SQSTM1: variants seen among roughly 807,000 people sequenced by gnomAD.
SQSTM1 encodes sequestosome-1.
Under a neutral mutation model 45.1 loss-of-function variants are expected in SQSTM1, and 36 were observed. The ratio of observed to expected loss-of-function variants is 0.80; its 90% CI spans 0.61 to 1.05. The LOEUF (loss-of-function observed/expected upper bound fraction) is 1.05, where lower values mean the gene tolerates loss of function less well. Ranked by LOEUF, SQSTM1 falls within the 50% of genes least tolerant of loss-of-function variation. The probability of loss-of-function intolerance (pLI) is 0.00; values close to 1 mark genes in which losing one functional copy is unlikely to be tolerated. For missense variants in SQSTM1, 617 were observed against 607.1 expected, an observed-to-expected ratio of 1.02 and a Z score of -0.17; for synonymous variants, 290 against 244.3, an observed-to-expected ratio of 1.19 and a Z score of -1.74.
chr5:179,830,946 C>A (rs1276123717), intron 5 of SQSTM1, among the ~76,000 whole-genome samples: 1 of 152,222 alleles, frequency 6.6e-6, no homozygotes. Flanking sequence ...CAAGAGATTT[C>A]TCATGTTGTT....
rs773645716 is a variant in SQSTM1 at position 179,836,486 on chromosome 5, T to G, written c.1216T>G (p.Phe406Val). The G allele has an allele frequency of 3.1e-6, 5 of 1,614,214 alleles. No individual in the cohort carries two copies. Among genetic ancestry groups the G allele is most frequent in the Non-Finnish European group, 4.2e-6 (5 of 1,180,036 alleles). The change falls in exon 8 of 8, where the codon TTC becomes GTC. Residue 406 changes from phenylalanine to valine, a missense_variant. By Grantham distance (50) the Phe-to-Val change is conservative. Transcript: ENST00000389805. ...CCTCTCCCAGATGCTGTCCATGGGCTTCTCTGATGAAGGCGGCTGGCTCAC... is the reference window on the plus strand; with the variant it reads ...CCTCTCCCAGATGCTGTCCATGGGCGTCTCTGATGAAGGCGGCTGGCTCAC... ...ESLSQMLSMG[F>V]SDEGGWLTRL...
At chr5:179,826,934 G>A (rs770774982) in intron 5 of SQSTM1, among the ~76,000 whole-genome samples, 2 of 152,110 alleles carry the variant, frequency 1.3e-5, no homozygotes, top group Non-Finnish European at 2.9e-5. Context: ...GAACACCGAG[G>A]TCATGATTGA....
At chr5:179,833,485 T>A in intron 6 of SQSTM1, 102 bp from the exon 7 acceptor site, 1 of 1,260,678 alleles carries the variant, frequency 7.9e-7, no homozygotes, top group Non-Finnish European at 1.1e-6. Flanking sequence ...TAACTGCACG[T>A]GTGCATGCGT....
chr5:179,821,435 C>G, intron 1 of SQSTM1: 1 of 608,720 alleles, frequency 1.6e-6, no homozygotes, highest in African/African-American at 1.9e-5. Flanking sequence ...CCCCGCTCCA[C>G]CCCCCGCGCT....
chr5:179,825,013 G>A, intron 4 of SQSTM1, 133 bp from the exon 5 acceptor site: 1 of 814,144 alleles, frequency 1.2e-6, no homozygotes, highest in Non-Finnish European at 2.1e-6. Context: ...GGGATGCTGA[G>A]TGGGTCACTG....
At chr5:179,831,149 G>A (rs757456959) in intron 5 of SQSTM1, among the ~76,000 whole-genome samples, 2 of 152,172 alleles carry the variant, frequency 1.3e-5, no homozygotes, top group Admixed American at 6.5e-5. Flanking sequence ...ATTAGGAAAC[G>A]GGGGACCTAA....
chr5:179,824,255 C>T lies in SQSTM1; in HGVS notation c.605C>T (p.Pro202Leu), dbSNP rs749357493. 5 of 1,613,752 alleles carry T rather than the reference C, an allele frequency of 3.1e-6. No homozygotes were observed. The African/African-American group carries it at 4.0e-5, about 13-fold the overall frequency. Reference protein sequence around the residue: ...HFGWPGWEMGPPGNWSPRPPR... With the variant: ...HFGWPGWEMGLPGNWSPRPPR... ...GGGTGGCCAGGATGGGAAATGGGTC[C>T]ACCAGGAAACTGGAGCCCACGTCCT... Residue 202 changes from proline to leucine, a missense_variant, in exon 4 of 8, where the codon CCA (proline) becomes CTA (leucine). Transcript: ENST00000389805.
chr5:179,815,648 C>T (rs1415637212), upstream of SQSTM1, among the ~76,000 whole-genome samples: 3 of 152,148 alleles, frequency 2.0e-5, no homozygotes, highest in Admixed American at 6.5e-5. Context: ...GCATTTCGTC[C>T]GCCAGCGTGG....
chr5:179,836,137 T>C (rs1422058448), intron 7 of SQSTM1: 1 of 527,288 alleles, frequency 1.9e-6, no homozygotes, highest in Non-Finnish European at 3.4e-6. Context: ...GGCCTGTTCT[T>C]ACATTTTAAA....
chr5:179,823,831 T>C, intron 2 of SQSTM1, 27 bp from the exon 3 acceptor site: 4 of 1,606,836 alleles, frequency 2.5e-6, no homozygotes, highest in Non-Finnish European at 2.5e-6. Flanking sequence ...GGTCCCACCC[T>C]AGCGGCTCTC....
rs370096430 is a variant in SQSTM1, at chr5:179,823,984, G to A, written c.428G>A (p.Ser143Asn). The A allele has an allele frequency of 6.2e-7, 1 of 1,614,044 alleles. No individual in the cohort carries two copies. Among genetic ancestry groups the A allele is most frequent in the Non-Finnish European group, 8.5e-7 (1 of 1,180,042 alleles). Residue 143 changes from serine (S) to asparagine (N), a missense_variant, in exon 3 of 8, where the codon AGC becomes AAC. Physicochemically the swap from Ser to Asn is conservative, Grantham distance 46 (BLOSUM62 1). Transcript: ENST00000389805. ...GPVVGTRYKC[S>N]VCPDYDLCSV... ...GTGGTAGGAACCCGCTACAAGTGCA[G>A]CGTCTGCCCAGACTACGACTTGTGT...
At chr5:179,824,416 G>T in intron 4 of SQSTM1, 93 bp downstream of exon 4, 1 of 1,576,802 alleles carries the variant, frequency 6.3e-7, no homozygotes, top group Non-Finnish European at 8.7e-7. Flanking sequence ...TGCAAGGCAA[G>T]AATTCAGGAT....
At chr5:179,816,088 G>A (rs1351864156), upstream of SQSTM1, among the ~76,000 whole-genome samples, 7 of 152,156 alleles carry the variant, frequency 4.6e-5, no homozygotes, top group Admixed American at 4.6e-4. Context: ...CCTGGGGTGC[G>A]GGCCCTGCTG....
In SQSTM1 at chr5:179,837,137, T is replaced by TCAC. The variant is rs1240481092; in HGVS notation, c.*548_*550dup. The TCAC allele has an allele frequency of 2.3e-6, 3 of 1,294,292 alleles. No individual in the cohort carries two copies. The highest frequency in any genetic ancestry group is 3.2e-6 in the Non-Finnish European group (3 of 925,974). The allele number at this position is 1,294,292 out of a possible 1,614,324, so 80.2% of individuals were successfully genotyped here. On this transcript the variant is annotated 3_prime_UTR_variant, in exon 8 of 8. Transcript: ENST00000389805. ...CACTGAGAGCTGCCTCCTGGTCTCT[T>TCAC]CACCACTGTAGTTCTCTCATTTCCA... is the stretch of plus-strand genomic sequence containing the variant.
At chr5:179,815,461 C>G (rs1292900793), upstream of SQSTM1, among the ~76,000 whole-genome samples, 1 of 151,912 alleles carries the variant, frequency 6.6e-6, no homozygotes, top group Non-Finnish European at 1.5e-5. Context: ...ATGGGGTATA[C>G]GTCATGGGTC....
upstream of SQSTM1, among the ~76,000 whole-genome samples, chr5:179,817,336 A>G (rs745362091): frequency 6.6e-6 from 1 of 151,900 alleles, no homozygotes; most frequent in Non-Finnish European, 1.5e-5. Context: ...TTCGTCCTCC[A>G]TCCCTCCCCC....
rs71001049 is a variant in SQSTM1 at position 179,809,325 on chromosome 5, ATTTTTTTTTT to A, written c.-156-2229_-156-2220del. Among the ~76,000 whole-genome samples, 57 of 41,076 alleles carry A rather than the reference ATTTTTTTTTT, an allele frequency of 1.4e-3. 1 individual carries two copies. The South Asian group carries it at 0.036, about 26-fold the overall frequency. 26.9% of individuals were successfully genotyped at this position (41,076 alleles called of 152,430 possible). ...AGGCGCCCGCCACCACGCCTGGCTAATTTTTTTTTTTTTTTTTTTTTTTTTTTTTGAGACA... is the reference window on the plus strand; with the variant it reads ...AGGCGCCCGCCACCACGCCTGGCTAATTTTTTTTTTTTTTTTTTTGAGACA... On this transcript the variant is annotated intron_variant, in intron 1 of 5. Coordinates refer to the SQSTM1 transcript ENST00000514093.
chr5:179,821,938 C>T (rs1436197050), intron 1 of SQSTM1, among the ~76,000 whole-genome samples: 1 of 144,934 alleles, frequency 6.9e-6, no homozygotes, highest in African/African-American at 2.5e-5. Flanking sequence ...CAGGCCCTCT[C>T]CTATTCTTAA....
Position 179,837,962 on chromosome 5 carries a change from G to C in SQSTM1, c.*1369G>C. 1 of 1,419,990 alleles carries C rather than the reference G, an allele frequency of 7.0e-7. No homozygotes were observed. Among genetic ancestry groups the C allele is most frequent in the East Asian group, 2.3e-5 (1 of 43,480 alleles). The allele number at this position is 1,419,990 out of a possible 1,614,324, so 88.0% of individuals were successfully genotyped here. On this transcript the variant is annotated 3_prime_UTR_variant, in exon 8 of 8. Transcript: ENST00000389805. Reference sequence around the variant, plus strand: ...CAGGAGGACCGCCTGCCCTGCCTGGGCCTTGGCTGGGCCTCTGGTTCTGAC... The same window carrying C: ...CAGGAGGACCGCCTGCCCTGCCTGGCCCTTGGCTGGGCCTCTGGTTCTGAC...
Sources: gnomAD v4.1 joint callset for allele counts (sites outside exome capture counted in the v4.1 genomes callset) on GRCh38, gnomAD v4.1.1 for gene constraint, MANE v1.5 for transcripts, NCBI Gene and HGNC (gene_info 2026-07-23, HGNC 2026-07-21) for gene names.